The following ASPM variants were observed in gnomAD, a reference collection of about 807,000 sequenced individuals.
The protein encoded by ASPM is abnormal spindle-like microcephaly-associated protein.
ASPM carries 256 observed loss-of-function variants against 366.4 expected under a neutral mutation model. The ratio of observed to expected loss-of-function variants is 0.70; its 90% CI spans 0.63 to 0.77. ASPM has a LOEUF of 0.77. Among genes scored for constraint, ASPM ranks in the 30% least tolerant of loss-of-function variants. The pLI is 0.00. For missense variants in ASPM, 4,146 were observed against 4,090.4 expected, an observed-to-expected ratio of 1.01 and a Z score of -0.37; for synonymous variants, 1,414 against 1,342.9, an observed-to-expected ratio of 1.05 and a Z score of -1.16.
chr1:197,092,650 C>T (rs1656820264), intron 21 of ASPM, among the ~76,000 whole-genome samples: 1 of 152,050 alleles, frequency 6.6e-6, no homozygotes, highest in East Asian at 1.9e-4. Context: ...AAATAATTCT[C>T]TCTTGCTGAA....
At chr1:197,106,969 T>C (rs567344808) in intron 17 of ASPM, among the ~76,000 whole-genome samples, 2 of 152,072 alleles carry the variant, frequency 1.3e-5, no homozygotes, top group South Asian at 2.1e-4. Context: ...CCAGTAACTA[T>C]AACCTGTGCC....
intron 26 of ASPM, 26 bp downstream of exon 26, chr1:197,088,230 A>C (rs1472195891): frequency 6.2e-7 from 1 of 1,605,238 alleles, no homozygotes; most frequent in Non-Finnish European, 8.5e-7. Flanking sequence ...AATAATCTTA[A>C]AGAAAGGCAA....
chr1:197,086,026 C>T (rs1037724753), intron 27 of ASPM, among the ~76,000 whole-genome samples: 1 of 151,710 alleles, frequency 6.6e-6, no homozygotes, highest in African/African-American at 2.4e-5. Context: ...AGAAATGGTC[C>T]CATTAATATA....
intron 1 of ASPM, 116 bp from the exon 2 acceptor site, chr1:197,144,216 T>A: frequency 1.5e-6 from 1 of 687,588 alleles, no homozygotes; most frequent in South Asian, 1.9e-5. Flanking sequence ...ACACTCTATA[T>A]ACTAAACATT....
At chr1:197,092,406 A>G (rs2125089123) in intron 21 of ASPM, among the ~76,000 whole-genome samples, 1 of 151,986 alleles carries the variant, frequency 6.6e-6, no homozygotes, top group East Asian at 1.9e-4. Flanking sequence ...GGAAATGGTG[A>G]TATTAAATCA....
chr1:197,132,293 C>A lies in ASPM; in HGVS notation c.2479G>T (p.Gly827Cys). Residue 827 changes from glycine to cysteine, a missense_variant, in exon 7 of 28, where the codon GGT becomes TGT. Gly to Cys is a radical substitution (Grantham distance 159). Coordinates refer to ENST00000367409, the MANE Select transcript of ASPM (RefSeq NM_018136.5). ...LSYNPLWLRI[G>C]LETTYGELIS... The stretch of plus-strand genomic sequence containing the variant: ...CTGAAATATATGCTTACCTCTAGAC[C>A]AATTCGAAGCCACAAAGGATTGTAG... 6.2e-7 allele frequency: 1 copy of A among 1,612,096 alleles called. No homozygotes were observed. Among genetic ancestry groups the A allele is most frequent in the South Asian group, 1.1e-5 (1 of 90,890 alleles).
At position 197,101,678 on chromosome 1, in the gene ASPM, C is replaced by G. The variant is rs761435072; in HGVS notation, c.7573G>C (p.Glu2525Gln). 1 of 1,612,258 alleles carries G rather than the reference C, an allele frequency of 6.2e-7. No homozygotes were observed. The highest frequency in any genetic ancestry group is 8.5e-7 in the Non-Finnish European group (1 of 1,179,146). The change falls in exon 18 of 28, where the codon GAA becomes CAA. Residue 2525 changes from glutamate to glutamine, a missense_variant. Glu to Gln is a conservative substitution (Grantham distance 29). Transcript: ENST00000367409. ...RTYRAAKLQRENYIRQWHSAV... is the reference protein window; with the variant it reads ...RTYRAAKLQRQNYIRQWHSAV... ...GAATGCCATTGTCTGATATAATTTT[C>G]TCTTTGTAATTTTGCAGCTCTATAT...
intron 13 of ASPM, among the ~76,000 whole-genome samples, chr1:197,123,066 A>G (rs978584893): frequency 1.3e-5 from 2 of 152,186 alleles, no homozygotes; most frequent in African/African-American, 2.4e-5. Context: ...TTCTGATTCA[A>G]TAACACTAAC....
intron 4 of ASPM, chr1:197,139,202 A>G (rs1658508487): frequency 1.0e-6 from 1 of 964,166 alleles, no homozygotes; most frequent in Non-Finnish European, 1.7e-6. Context: ...AGTGATTTTC[A>G]TTTTCCACTT....
chr1:197,100,055 C>T (rs952576046), intron 18 of ASPM, among the ~76,000 whole-genome samples: 2 of 151,666 alleles, frequency 1.3e-5, no homozygotes, highest in Non-Finnish European at 3.0e-5. Flanking sequence ...ATTAGAGGAA[C>T]AAAGTTACTC....
At chr1:197,114,266 C>A (rs983340477) in intron 17 of ASPM, among the ~76,000 whole-genome samples, 15 of 152,146 alleles carry the variant, frequency 9.9e-5, no homozygotes, top group Non-Finnish European at 1.0e-4. Flanking sequence ...ATGCTAAGAA[C>A]CATGTGAGCC....
At chr1:197,129,356 T>G (rs766978012) in intron 8 of ASPM, 39 bp from the exon 9 acceptor site, 11 of 1,600,354 alleles carry the variant, frequency 6.9e-6, no homozygotes, top group Middle Eastern at 1.8e-4. Context: ...AGTTAATCTA[T>G]GAAAGGTAGG....
chr1:197,087,178 C>T (rs1656620012), intron 26 of ASPM, among the ~76,000 whole-genome samples: 1 of 152,040 alleles, frequency 6.6e-6, no homozygotes, highest in Admixed American at 6.6e-5. Context: ...GGGTTCACGC[C>T]ATTCTCCTGC....
In ASPM at chr1:197,094,880, C is replaced by G. The variant is rs562839275; in HGVS notation, c.8988-700G>C. Among the ~76,000 whole-genome samples, 2 of 151,772 alleles carry G rather than the reference C, an allele frequency of 1.3e-5. 1 individual carries two copies. The highest frequency in any genetic ancestry group is 4.1e-4 in the South Asian group (2 of 4,820). ...AACACCATTGAGAAAAATTCAGCATCTGTTACAGGAAAATTAGATACTGGT... is the reference window on the plus strand; with the variant it reads ...AACACCATTGAGAAAAATTCAGCATGTGTTACAGGAAAATTAGATACTGGT... On this transcript the variant is annotated intron_variant, in intron 19 of 27. Transcript: ENST00000367409.
At chr1:197,111,240 A>T (rs1478224252) in intron 17 of ASPM, among the ~76,000 whole-genome samples, 1 of 152,136 alleles carries the variant, frequency 6.6e-6, no homozygotes, top group Non-Finnish European at 1.5e-5. Context: ...TTCAAAAAAC[A>T]AAAAACAAAT....
At chr1:197,125,286 C>A (rs1658056790) in intron 10 of ASPM, 95 bp from the exon 11 acceptor site, 4 of 1,420,772 alleles carry the variant, frequency 2.8e-6, no homozygotes, top group Non-Finnish European at 3.9e-6. Context: ...TAAATCCCAA[C>A]AGTTACAGGG....
chr1:197,101,832 T>C lies in ASPM; in HGVS notation c.7419A>G (p.Val2473=), dbSNP rs1426845870. Residue 2473 remains valine, a synonymous_variant, in exon 18 of 28, where the codon GTA becomes GTG. Transcript: ENST00000367409. ...TTTGCATTTCTTGTAACTTCTTCTT[T>C]ACCATCAGTCTTCTGTAAGATGACT... ...TIQSSYRRLM[V]KKKLQEMQRA... is the part of the protein sequence containing the mutation. The C allele has an allele frequency of 1.2e-6, 2 of 1,612,652 alleles. No homozygotes were observed. Among genetic ancestry groups the C allele is most frequent in the South Asian group, 1.1e-5 (1 of 91,074 alleles).
intron 17 of ASPM, among the ~76,000 whole-genome samples, chr1:197,107,366 C>A (rs1418740256): frequency 2.6e-5 from 4 of 152,070 alleles, no homozygotes; most frequent in Admixed American, 2.6e-4. Flanking sequence ...AAGGAACTGT[C>A]ACTGAAGCTA....
chr1:197,110,680 C>T (rs1340598173), intron 17 of ASPM, among the ~76,000 whole-genome samples: 3 of 151,784 alleles, frequency 2.0e-5, no homozygotes, highest in Non-Finnish European at 4.4e-5. Context: ...CAGTGCGAGG[C>T]TCAAAGATAG....
Sources: gnomAD v4.1 joint callset for allele counts (sites outside exome capture counted in the v4.1 genomes callset) on GRCh38, gnomAD v4.1.1 for gene constraint, MANE v1.5 for transcripts, NCBI Gene and HGNC (gene_info 2026-07-23, HGNC 2026-07-21) for gene names.